The following SLC9A9 variants were observed in gnomAD, a reference collection of about 807,000 sequenced individuals.
The protein encoded by SLC9A9 is solute carrier family 9 member A9.
In SLC9A9, 62 loss-of-function variants were observed where a neutral mutation model predicts 77.8. The observed-to-expected ratio is 0.80, with a 90% CI of 0.65 to 0.98. The LOEUF is 0.98. SLC9A9 is among the 50% of genes least tolerant of loss of function. The pLI, the probability that SLC9A9 is intolerant of heterozygous loss-of-function variation, is 0.00. For synonymous variants in SLC9A9, 320 were observed against 283.5 expected (o/e 1.13, Z -1.29); for missense variants, 775 against 774.9 (o/e 1.00, Z 0.00).
intron 6 of SLC9A9, among the ~76,000 whole-genome samples, chr3:143,606,434 C>CTATATATATA (rs1427549304): frequency 5.7e-3 from 302 of 52,874 alleles, no homozygotes; most frequent in Non-Finnish European, 7.7e-3. Context: ...CTCTCTCTCT[C>CTATATATATA]TCTATATATA....
chr3:143,489,818 T>G (rs2035710018), intron 11 of SLC9A9, among the ~76,000 whole-genome samples: 1 of 152,080 alleles, frequency 6.6e-6, no homozygotes. Flanking sequence ...AAAACTCCTA[T>G]AACTCTATGA....
intron 9 of SLC9A9, among the ~76,000 whole-genome samples, chr3:143,549,856 G>A (rs1326893975): frequency 1.3e-5 from 2 of 152,040 alleles, no homozygotes; most frequent in African/African-American, 4.8e-5. Flanking sequence ...AAGAGGTTAG[G>A]AAAAAAACAG....
At chr3:143,603,610 A>C (rs2037879451) in intron 6 of SLC9A9, among the ~76,000 whole-genome samples, 1 of 152,224 alleles carries the variant, frequency 6.6e-6, no homozygotes, top group Non-Finnish European at 1.5e-5. Context: ...GTCCTGGTCA[A>C]GTCTTCAGAG....
intron 14 of SLC9A9, among the ~76,000 whole-genome samples, chr3:143,341,344 A>G (rs940561604): frequency 1.2e-4 from 18 of 152,184 alleles, no homozygotes; most frequent in African/African-American, 3.6e-4. Flanking sequence ...TGGGAACTCC[A>G]GAGTAGGATT....
At chr3:143,597,841 G>A (rs549717250) in intron 6 of SLC9A9, among the ~76,000 whole-genome samples, 34 of 152,332 alleles carry the variant, frequency 2.2e-4, no homozygotes, top group East Asian at 7.7e-4. Context: ...AAGGTATGGC[G>A]CTAAAAGGTG....
At chr3:143,591,033 C>A (rs145561930) in intron 6 of SLC9A9, among the ~76,000 whole-genome samples, 1 of 152,166 alleles carries the variant, frequency 6.6e-6, no homozygotes, top group South Asian at 2.1e-4. Flanking sequence ...AATCTGGGTG[C>A]CTTTCATTCT....
intron 12 of SLC9A9, among the ~76,000 whole-genome samples, chr3:143,428,120 G>A (rs937164507): frequency 3.3e-5 from 5 of 152,200 alleles, no homozygotes; most frequent in South Asian, 2.1e-4. Context: ...CACAATGAAG[G>A]AAACAAAGTG....
chr3:143,359,486 T>C (rs1478314995), intron 14 of SLC9A9, among the ~76,000 whole-genome samples: 1 of 151,128 alleles, frequency 6.6e-6, no homozygotes, highest in East Asian at 1.9e-4. Flanking sequence ...ATGAAAGAGG[T>C]AAAGGAAGGA....
intron 6 of SLC9A9, among the ~76,000 whole-genome samples, chr3:143,602,692 A>G (rs561089402): frequency 1.1e-4 from 17 of 152,202 alleles, no homozygotes; most frequent in Non-Finnish European, 2.4e-4. Flanking sequence ...TGAATATGGT[A>G]TCTGATGCTT....
chr3:143,466,697 A>G (rs2035285875), intron 12 of SLC9A9, among the ~76,000 whole-genome samples: 1 of 152,274 alleles, frequency 6.6e-6, no homozygotes, highest in Non-Finnish European at 1.5e-5. Context: ...ACTGGATTGT[A>G]TCTTGAGGAC....
In SLC9A9 at chr3:143,359,381, G is replaced by A. The variant is rs565947147; in HGVS notation, c.1604+4103C>T. 7.9e-5 allele frequency among the ~76,000 whole-genome samples: 12 copies of A among 152,128 alleles called. No homozygotes were observed. In the South Asian group the frequency reaches 1.9e-3, roughly 24 times the overall value. On this transcript the variant is annotated intron_variant, in intron 14 of 15. Transcript: ENST00000316549. ...ATTCTGTGTCGGGTGGTGGTTAAGC[G>A]TTATGGTGAAAAAAATAAAGCAGGA...
chr3:143,276,005 G>A (rs994793485), intron 14 of SLC9A9, among the ~76,000 whole-genome samples: 3 of 152,138 alleles, frequency 2.0e-5, no homozygotes, highest in African/African-American at 7.2e-5. Flanking sequence ...CTTTCCTGCT[G>A]TTTCCCTCCC....
At chr3:143,591,646 A>ATTAAT (rs369791819) in intron 6 of SLC9A9, among the ~76,000 whole-genome samples, 1 of 152,238 alleles carries the variant, frequency 6.6e-6, no homozygotes, top group African/African-American at 2.4e-5. Flanking sequence ...CCATGCAATA[A>ATTAAT]AGGTAGTTAC....
chr3:143,290,802 G>A (rs2029921479), intron 14 of SLC9A9, among the ~76,000 whole-genome samples: 1 of 152,168 alleles, frequency 6.6e-6, no homozygotes, highest in Non-Finnish European at 1.5e-5. Flanking sequence ...AAAAAACACT[G>A]TTCCTTAAAT....
Position 143,678,073 on chromosome 3 carries a change from G to A in SLC9A9, c.649+15119C>T, listed in dbSNP as rs113870714. On this transcript the variant is annotated intron_variant, in intron 5 of 15. Coordinates refer to ENST00000316549, the MANE Select transcript of SLC9A9 (RefSeq NM_173653.4). ...GATCTCCTGACCTCGTGATCCACCC[G>A]CCTCAGCCTCCCAAAGTGCTGGGAT... 3.8e-3 allele frequency among the ~76,000 whole-genome samples: 580 copies of A among 152,164 alleles called. 5 individuals carry two copies. The highest frequency in any genetic ancestry group is 0.013 in the African/African-American group (551 of 41,516).
intron 4 of SLC9A9, among the ~76,000 whole-genome samples, chr3:143,737,704 A>G (rs1192488815): frequency 6.6e-6 from 1 of 152,228 alleles, no homozygotes; most frequent in Non-Finnish European, 1.5e-5. Flanking sequence ...TACAGAAAAC[A>G]TGACCTTCTA....
intron 9 of SLC9A9, among the ~76,000 whole-genome samples, chr3:143,506,047 T>C (rs867732476): frequency 1.3e-5 from 2 of 152,222 alleles, no homozygotes; most frequent in Admixed American, 6.5e-5. Flanking sequence ...TGCATTTAAG[T>C]TAATATACAT....
chr3:143,678,874 G>C (rs546135977), intron 5 of SLC9A9, among the ~76,000 whole-genome samples: 1 of 152,304 alleles, frequency 6.6e-6, no homozygotes, highest in African/African-American at 2.4e-5. Flanking sequence ...CACCAAGATG[G>C]TGAACTATAA....
intron 1 of SLC9A9, among the ~76,000 whole-genome samples, chr3:143,840,289 A>G (rs1341765713): frequency 1.3e-5 from 2 of 152,158 alleles, no homozygotes; most frequent in African/African-American, 2.4e-5. Context: ...ATCAAAACCC[A>G]TACCATCTTG....
Sources: allele counts gnomAD v4.1 joint callset (sites outside exome capture counted in the v4.1 genomes callset), GRCh38; gene constraint gnomAD v4.1.1; transcripts MANE v1.5; gene names NCBI Gene and HGNC (gene_info 2026-07-23, HGNC 2026-07-21).